Variants in PHACTR2 observed in about 807,000 individuals in gnomAD.
The protein encoded by PHACTR2 is phosphatase and actin regulator 2, also known as chromosome 6 open reading frame 56.
In PHACTR2, 30 loss-of-function variants were observed where a neutral mutation model predicts 76.0. The observed-to-expected ratio is 0.39, with a 90% CI of 0.30 to 0.54. The LOEUF (loss-of-function observed/expected upper bound fraction) is 0.54, where lower values mean the gene tolerates loss of function less well. PHACTR2 is among the 20% of genes least tolerant of loss of function. The pLI, the probability that PHACTR2 is intolerant of heterozygous loss-of-function variation, is 0.61. For missense variants in PHACTR2, 696 were observed against 781.1 expected (o/e 0.89, Z 1.30); for synonymous variants, 292 against 292.5 (o/e 1.00, Z 0.02).
chr6:143,760,772 A>T lies in PHACTR2; in HGVS notation c.694+132A>T. ...TTACACCAGCAGGTTCAGCTTTGACACAAAGAATGCCCAGGAGATTCCTTT... is the reference window on the plus strand; with the variant it reads ...TTACACCAGCAGGTTCAGCTTTGACTCAAAGAATGCCCAGGAGATTCCTTT... On this transcript the variant is annotated intron_variant, in intron 5 of 12. Coordinates refer to ENST00000440869, the MANE Select transcript of PHACTR2 (RefSeq NM_001100164.2). The surrounding 1 kb of genome is among the most constrained non-coding windows in gnomAD (Gnocchi z 6.4). The T allele has an allele frequency of 9.7e-7, 1 of 1,028,010 alleles. No individual in the cohort carries two copies. The highest frequency in any genetic ancestry group is 1.4e-6 in the Non-Finnish European group (1 of 722,306). The allele number at this position is 1,028,010 out of a possible 1,614,324, so 63.7% of individuals were successfully genotyped here. A position where few individuals can be genotyped will look rare whatever the true frequency, so the allele number is the denominator to read the frequency against.
rs1157829553 is a variant in PHACTR2, at chr6:143,662,118, A to G, written c.14-49898A>G. On this transcript the variant is annotated intron_variant, in intron 1 of 11. Coordinates refer to the PHACTR2 transcript ENST00000305766. This position sits in a 1 kb window ranked among gnomAD's most constrained non-coding sequence, Gnocchi z 4.7. ...TGCTCCTCCCCCTTTCTCAGCTCCC[A>G]TCTTTATCACCTGTTTGGAGAATGT... 2.0e-5 allele frequency among the ~76,000 whole-genome samples: 3 copies of G among 152,226 alleles called. No individual in the cohort carries two copies. The highest frequency in any genetic ancestry group is 4.1e-4 in the South Asian group (2 of 4,830).
rs1203928271 is a variant in PHACTR2 at position 143,794,610 on chromosome 6, A to G, written c.1845+5700A>G. ...GGAGTTCAAGACCAGCCTGGCCAAC[A>G]TGGTGAAACCCCATCTCTACTAAAA... On this transcript the variant is annotated intron_variant, in intron 11 of 12. Transcript: ENST00000440869. This position sits in a 1 kb window ranked among gnomAD's most constrained non-coding sequence, Gnocchi z 4.1. Among the ~76,000 whole-genome samples, 2 of 152,148 alleles carry G rather than the reference A, an allele frequency of 1.3e-5. No individual in the cohort carries two copies. The highest frequency in any genetic ancestry group is 2.4e-5 in the African/African-American group (1 of 41,430).
rs1781151198 is a variant in PHACTR2 at position 143,539,309 on chromosome 6, G to A, written c.217+2102G>A. Among the ~76,000 whole-genome samples, 1 of 152,230 alleles carries A rather than the reference G, an allele frequency of 6.6e-6. No homozygotes were observed. Among genetic ancestry groups the A allele is most frequent in the South Asian group, 2.1e-4 (1 of 4,836 alleles). ...AGGATGCTGGCACAGATGTAGAAGA[G>A]TGAACATCTTTCATGTACCTGATTT... On this transcript the variant is annotated intron_variant, in intron 1 of 11. Transcript: ENST00000367584. This position sits in a 1 kb window ranked among gnomAD's most constrained non-coding sequence, Gnocchi z 4.3.
At chr6:143,638,766 A>T (rs1007949236) in intron 1 of PHACTR2, among the ~76,000 whole-genome samples, 1 of 152,198 alleles carries the variant, frequency 6.6e-6, no homozygotes, top group Non-Finnish European at 1.5e-5. Context: ...TCCTTCAAAT[A>T]TTTTAAGAAT....
rs982993546 is a variant in PHACTR2, at chr6:143,743,047, G to A, written c.215-5938G>A. On this transcript the variant is annotated intron_variant, in intron 2 of 12. Transcript: ENST00000440869. This position sits in a 1 kb window ranked among gnomAD's most constrained non-coding sequence, Gnocchi z 5.0. ...ATCTCTCCATTTTGCAGATGAGGAC[G>A]CTGAGGCACAGAGAAGTTGGTTGAA... 1.3e-5 allele frequency among the ~76,000 whole-genome samples: 2 copies of A among 152,178 alleles called. No individual in the cohort carries two copies. Among genetic ancestry groups the A allele is most frequent in the Non-Finnish European group, 2.9e-5 (2 of 68,030 alleles).
chr6:143,598,727 G>T lies in PHACTR2; in HGVS notation c.217+61520G>T, dbSNP rs572213317. On this transcript the variant is annotated intron_variant, in intron 1 of 11. Transcript: ENST00000367584. This position sits in a 1 kb window ranked among gnomAD's most constrained non-coding sequence, Gnocchi z 4.1. ...GTTATCCAGTGCCTTTCCTGGCTTTGTCCTTCGTATCAGATGCAGATGTTT... is the reference window on the plus strand; with the variant it reads ...GTTATCCAGTGCCTTTCCTGGCTTTTTCCTTCGTATCAGATGCAGATGTTT... 6.6e-6 allele frequency among the ~76,000 whole-genome samples: 1 copy of T among 152,254 alleles called. No homozygotes were observed. The highest frequency in any genetic ancestry group is 2.1e-4 in the South Asian group (1 of 4,824).
Position 143,700,571 on chromosome 6 carries a change from G to A in PHACTR2, c.47-11445G>A, listed in dbSNP as rs540750162. ...TCCATTGATTGGGGGCAGTGGGGAG[G>A]GGGGGCGAGAGGAGAACTGTGATAT... On this transcript the variant is annotated intron_variant, in intron 1 of 12. Transcript: ENST00000440869. This position sits in a 1 kb window ranked among gnomAD's most constrained non-coding sequence, Gnocchi z 4.1. Among the ~76,000 whole-genome samples the A allele has an allele frequency of 6.6e-6, 1 of 152,072 alleles. No homozygotes were observed. The highest frequency in any genetic ancestry group is 1.5e-5 in the Non-Finnish European group (1 of 68,002).
intron 1 of PHACTR2, among the ~76,000 whole-genome samples, chr6:143,588,859 C>A (rs1390582416): frequency 2.0e-5 from 3 of 151,992 alleles, no homozygotes; most frequent in African/African-American, 4.8e-5. Context: ...TGTATATGTT[C>A]CTAAAAAATG....
At position 143,783,775 on chromosome 6, in the gene PHACTR2, A is replaced by G. The variant is rs1775487392; in HGVS notation, c.1707+495A>G. Among the ~76,000 whole-genome samples, 1 of 152,238 alleles carries G rather than the reference A, an allele frequency of 6.6e-6. No homozygotes were observed. The highest frequency in any genetic ancestry group is 1.5e-5 in the Non-Finnish European group (1 of 68,048). On this transcript the variant is annotated intron_variant, in intron 10 of 12. Transcript: ENST00000440869. The surrounding 1 kb of genome is among the most constrained non-coding windows in gnomAD (Gnocchi z 5.2). ...ATGTACTCTGTGTGAAAATTTTTAA[A>G]GACACAAAAAAAGAAAAAAATAAAA...
chr6:143,660,866 T>C (rs1465522875), intron 1 of PHACTR2, among the ~76,000 whole-genome samples: 1 of 152,020 alleles, frequency 6.6e-6, no homozygotes, highest in Non-Finnish European at 1.5e-5. Flanking sequence ...AAATAAAACC[T>C]CAAGGAAGGA....
chr6:143,799,237 T>G (rs191558556), intron 11 of PHACTR2, among the ~76,000 whole-genome samples: 118 of 152,328 alleles, frequency 7.7e-4, no homozygotes, highest in Non-Finnish European at 1.5e-3. Flanking sequence ...TGATATCCCC[T>G]TTATCATTTT....
chr6:143,720,660 G>A (rs1291415234), intron 2 of PHACTR2, among the ~76,000 whole-genome samples: 8 of 152,202 alleles, frequency 5.3e-5, no homozygotes, highest in Non-Finnish European at 7.3e-5. Flanking sequence ...AAGCTGGAGT[G>A]GAGTGCAATG....
At chr6:143,612,220 T>C (rs896363274) in intron 1 of PHACTR2, among the ~76,000 whole-genome samples, 1 of 152,176 alleles carries the variant, frequency 6.6e-6, no homozygotes, top group African/African-American at 2.4e-5. Flanking sequence ...TTTTTATAGA[T>C]GGAAATAAGA....
intron 1 of PHACTR2, among the ~76,000 whole-genome samples, chr6:143,645,574 G>A (rs1410987438): frequency 4.6e-5 from 7 of 152,130 alleles, no homozygotes; most frequent in Non-Finnish European, 1.0e-4. Context: ...AAAGTGTTTG[G>A]CAAGGTTGTA....
At position 143,654,504 on chromosome 6, in the gene PHACTR2, G is replaced by T. The variant is rs887645952; in HGVS notation, c.13+46182G>T. 1.3e-5 allele frequency among the ~76,000 whole-genome samples: 2 copies of T among 152,004 alleles called. No homozygotes were observed. Among genetic ancestry groups the T allele is most frequent in the Non-Finnish European group, 2.9e-5 (2 of 67,994 alleles). The stretch of plus-strand genomic sequence containing the variant: ...ATATCCACTCAATAGAATATTATTT[G>T]CCAATTAAAAAAAATAAAGGCTGGA... On this transcript the variant is annotated intron_variant, in intron 1 of 11. Coordinates refer to the PHACTR2 transcript ENST00000305766. The surrounding 1 kb of genome is among the most constrained non-coding windows in gnomAD (Gnocchi z 4.6).
chr6:143,683,053 A>G lies in PHACTR2; in HGVS notation c.46+4844A>G, dbSNP rs1227129998. ...GATAAATCCCACTTGGGTAATGTGT[A>G]TAATCCTTTTTGTATGTTGCTGGGT... On this transcript the variant is annotated intron_variant, in intron 1 of 12. Coordinates refer to ENST00000440869, the MANE Select transcript of PHACTR2 (RefSeq NM_001100164.2). This position sits in a 1 kb window ranked among gnomAD's most constrained non-coding sequence, Gnocchi z 4.1. Among the ~76,000 whole-genome samples, 1 of 152,222 alleles carries G rather than the reference A, an allele frequency of 6.6e-6. No individual in the cohort carries two copies. The highest frequency in any genetic ancestry group is 1.5e-5 in the Non-Finnish European group (1 of 68,036).
At position 143,658,699 on chromosome 6, in the gene PHACTR2, C is replaced by T. The variant is rs1582743538; in HGVS notation, c.13+50377C>T. Among the ~76,000 whole-genome samples, 1 of 151,994 alleles carries T rather than the reference C, an allele frequency of 6.6e-6. No individual in the cohort carries two copies. Among genetic ancestry groups the T allele is most frequent in the Non-Finnish European group, 1.5e-5 (1 of 67,986 alleles). ...ATATCTAAACATAGAAAAGGTATAGCAAAACTATAGTGTAAAGATTAAAAA... is the reference window on the plus strand; with the variant it reads ...ATATCTAAACATAGAAAAGGTATAGTAAAACTATAGTGTAAAGATTAAAAA... On this transcript the variant is annotated intron_variant, in intron 1 of 11. Coordinates refer to the PHACTR2 transcript ENST00000305766. This position sits in a 1 kb window ranked among gnomAD's most constrained non-coding sequence, Gnocchi z 4.1.
At chr6:143,651,663 G>A (rs1776766655) in intron 1 of PHACTR2, among the ~76,000 whole-genome samples, 1 of 150,700 alleles carries the variant, frequency 6.6e-6, no homozygotes, top group African/African-American at 2.4e-5. Context: ...ACATGGCAGC[G>A]AAACAACACA....
At chr6:143,734,871 A>G (rs1018785330) in intron 2 of PHACTR2, among the ~76,000 whole-genome samples, 1 of 152,188 alleles carries the variant, frequency 6.6e-6, no homozygotes, top group Non-Finnish European at 1.5e-5. Context: ...GTACTACAGA[A>G]GCCCTTCTGG....
Sources: gnomAD v4.1 joint callset for allele counts (sites outside exome capture counted in the v4.1 genomes callset) on GRCh38, gnomAD v4.1.1 for gene constraint, Gnocchi (gnomAD v3.1) non-coding constraint, MANE v1.5 for transcripts, NCBI Gene and HGNC (gene_info 2026-07-23, HGNC 2026-07-21) for gene names.